GABRG3: variants seen among roughly 807,000 people sequenced by gnomAD.
GABRG3 encodes the protein gamma-aminobutyric acid receptor subunit gamma-3.
In GABRG3, 25 loss-of-function variants were observed where a neutral mutation model predicts 48.8. That is an observed-to-expected ratio of 0.51 (90% CI 0.37 to 0.72). GABRG3 has a LOEUF of 0.72. Ranked by LOEUF, GABRG3 falls within the 30% of genes least tolerant of loss-of-function variation. GABRG3 has a pLI of 0.00. For synonymous variants in GABRG3, 227 were observed against 217.6 expected, an observed-to-expected ratio of 1.04 and a Z score of -0.38; for missense variants, 394 against 577.9, an observed-to-expected ratio of 0.68 and a Z score of 3.26.
At chr15:27,047,657 A>T (rs1265762977) in intron 3 of GABRG3, among the ~76,000 whole-genome samples, 5 of 152,222 alleles carry the variant, frequency 3.3e-5, no homozygotes, top group Admixed American at 6.5e-5. Flanking sequence ...AAGCCTCCTT[A>T]TAAAACAGTT....
At chr15:27,409,480 G>T (rs1043160456) in intron 5 of GABRG3, among the ~76,000 whole-genome samples, 3 of 152,096 alleles carry the variant, frequency 2.0e-5, no homozygotes, top group Non-Finnish European at 4.4e-5. Flanking sequence ...ATGGTAAACT[G>T]TCTCAATTAC....
At chr15:27,077,222 T>C (rs981432144) in intron 3 of GABRG3, among the ~76,000 whole-genome samples, 3 of 152,180 alleles carry the variant, frequency 2.0e-5, no homozygotes, top group Non-Finnish European at 4.4e-5. Context: ...CCAGCCTCTC[T>C]GGGTATCACT....
At position 27,236,694 on chromosome 15, in the gene GABRG3, G is replaced by A. The variant is rs1448619751; in HGVS notation, c.271-90115G>A. On this transcript the variant is annotated intron_variant, in intron 3 of 9. Coordinates refer to ENST00000615808, the MANE Select transcript of GABRG3 (RefSeq NM_033223.5). This position sits in a 1 kb window ranked among gnomAD's most constrained non-coding sequence, Gnocchi z 4.4. ...TGGCTCTGACCAGCCTAGGGAGGAT[G>A]CACAGTGAGGGTTTCTTGTCCTCTG... is the stretch of plus-strand genomic sequence containing the variant. Among the ~76,000 whole-genome samples, 1 of 152,208 alleles carries A rather than the reference G, an allele frequency of 6.6e-6. No individual in the cohort carries two copies. Among genetic ancestry groups the A allele is most frequent in the Non-Finnish European group, 1.5e-5 (1 of 68,054 alleles).
rs1478561419 is a variant in GABRG3, at chr15:27,535,945, CA to C, written c.*3065del. ...GCACGAGGTGCAAGGCTGTTCCACA[CA>C]GCTAAGCCCCAGCTTGCTTTGCATG... On this transcript the variant is annotated 3_prime_UTR_variant, in exon 10 of 10. Coordinates refer to ENST00000615808, the MANE Select transcript of GABRG3 (RefSeq NM_033223.5). 1 of 152,272 alleles carries C rather than the reference CA, an allele frequency of 6.6e-6. No individual in the cohort carries two copies. The highest frequency in any genetic ancestry group is 1.5e-5 in the Non-Finnish European group (1 of 68,082). 9.4% of individuals were successfully genotyped at this position (152,272 alleles called of 1,614,324 possible). A position where few individuals can be genotyped will look rare whatever the true frequency, so the allele number is the denominator to read the frequency against.
At chr15:27,299,725 G>C (rs1216724540) in intron 3 of GABRG3, among the ~76,000 whole-genome samples, 1 of 152,144 alleles carries the variant, frequency 6.6e-6, no homozygotes. Context: ...TCCAGTAAGT[G>C]GGGCTGCATT....
intron 3 of GABRG3, among the ~76,000 whole-genome samples, chr15:27,079,668 C>T (rs1040047103): frequency 1.3e-5 from 2 of 152,026 alleles, no homozygotes; most frequent in African/African-American, 2.4e-5. Context: ...GACCCAGCCT[C>T]GGGCCTTCTA....
chr15:27,174,160 T>C (rs1471557128), intron 3 of GABRG3, among the ~76,000 whole-genome samples: 2 of 152,234 alleles, frequency 1.3e-5, no homozygotes, highest in Admixed American at 1.3e-4. Context: ...TCTGGCATCA[T>C]GTCTTACCCA....
At chr15:27,320,995 G>A (rs903221823) in intron 3 of GABRG3, among the ~76,000 whole-genome samples, 6 of 152,114 alleles carry the variant, frequency 3.9e-5, no homozygotes, top group African/African-American at 9.7e-5. Flanking sequence ...ATGCTTCCCC[G>A]GGCCTGTCAC....
intron 6 of GABRG3, among the ~76,000 whole-genome samples, chr15:27,500,254 A>G (rs1161687443): frequency 6.6e-6 from 1 of 152,134 alleles, no homozygotes; most frequent in Non-Finnish European, 1.5e-5. Flanking sequence ...CCTCATGCCC[A>G]GCCTGGTAGG....
At chr15:27,371,198 A>T (rs759424845) in intron 5 of GABRG3, among the ~76,000 whole-genome samples, 3 of 152,110 alleles carry the variant, frequency 2.0e-5, no homozygotes, top group African/African-American at 7.2e-5. Flanking sequence ...CTCTCTGAAC[A>T]TGTTTGCTCC....
intron 5 of GABRG3, among the ~76,000 whole-genome samples, chr15:27,410,986 T>A (rs1025897890): frequency 2.0e-5 from 3 of 152,076 alleles, no homozygotes; most frequent in African/African-American, 7.2e-5. Context: ...CCATCAGCGA[T>A]GAGACATTAG....
In GABRG3 at chr15:27,190,540, G is replaced by A. The variant is rs540333039; in HGVS notation, c.271-136269G>A. On this transcript the variant is annotated intron_variant, in intron 3 of 9. Transcript: ENST00000615808. ...GAGGTGTTTGTAGTATTCTCTGATG[G>A]TAGTTTGTATTTCTGTGGGATCAGT... Among the ~76,000 whole-genome samples, 246 of 152,136 alleles carry A rather than the reference G, an allele frequency of 1.6e-3. 1 individual carries two copies. The highest frequency in any genetic ancestry group is 2.9e-4 in the Non-Finnish European group (20 of 67,990).
At chr15:27,170,079 T>A (rs1179343964) in intron 3 of GABRG3, among the ~76,000 whole-genome samples, 1 of 152,228 alleles carries the variant, frequency 6.6e-6, no homozygotes, top group African/African-American at 2.4e-5. Context: ...GTCAAACTTC[T>A]TCAGATTGAA....
rs374933441 is a variant in GABRG3 at position 27,428,624 on chromosome 15, T to G, written c.575-52026T>G. Among the ~76,000 whole-genome samples, 34 of 151,298 alleles carry G rather than the reference T, an allele frequency of 2.2e-4. 1 individual carries two copies. Among genetic ancestry groups the G allele is most frequent in the Non-Finnish European group, 2.1e-4 (14 of 68,028 alleles). On this transcript the variant is annotated intron_variant, in intron 5 of 9. Transcript: ENST00000615808. ...TAAGAAGCTGAACTTTTCTTGTTCATTTTTAGGGGGGTTGTCCCTCCCAGT... is the reference window on the plus strand; with the variant it reads ...TAAGAAGCTGAACTTTTCTTGTTCAGTTTTAGGGGGGTTGTCCCTCCCAGT...
chr15:27,394,585 A>AGGC (rs1413998701), intron 5 of GABRG3, among the ~76,000 whole-genome samples: 2 of 152,012 alleles, frequency 1.3e-5, no homozygotes, highest in African/African-American at 4.8e-5. Flanking sequence ...CTGTCTATCC[A>AGGC]TTTGTTTTTT....
At chr15:27,141,410 C>T (rs923702955) in intron 3 of GABRG3, among the ~76,000 whole-genome samples, 4 of 152,170 alleles carry the variant, frequency 2.6e-5, no homozygotes, top group Non-Finnish European at 4.4e-5. Context: ...AGACATATTT[C>T]TAGGGCTCTC....
At chr15:27,030,431 G>A (rs112136154) in intron 3 of GABRG3, among the ~76,000 whole-genome samples, 2 of 152,118 alleles carry the variant, frequency 1.3e-5, no homozygotes, top group Non-Finnish European at 2.9e-5. Context: ...TCTTTGTCTT[G>A]TTTATCCTGG....
chr15:27,257,800 C>T (rs1890664798), intron 3 of GABRG3, among the ~76,000 whole-genome samples: 1 of 150,992 alleles, frequency 6.6e-6, no homozygotes, highest in South Asian at 2.1e-4. Flanking sequence ...GTGCATGCAC[C>T]ACCACACGTG....
At chr15:27,324,786 G>C (rs1893550405) in intron 3 of GABRG3, among the ~76,000 whole-genome samples, 2 of 152,170 alleles carry the variant, frequency 1.3e-5, no homozygotes, top group African/African-American at 4.8e-5. Flanking sequence ...CTTTGCTTCT[G>C]CAGGCCAGCA....
Sources: allele counts gnomAD v4.1 joint callset (sites outside exome capture counted in the v4.1 genomes callset), GRCh38; gene constraint gnomAD v4.1.1; non-coding constraint Gnocchi (gnomAD v3.1); transcripts MANE v1.5; gene names NCBI Gene and HGNC (gene_info 2026-07-23, HGNC 2026-07-21).